MGST1: variants seen among roughly 807,000 people sequenced by gnomAD.
MGST1 encodes microsomal glutathione S-transferase 1.
A neutral mutation model predicts 8.9 loss-of-function variants in MGST1; 5 were observed. The observed-to-expected ratio is 0.56, with a 90% CI of 0.29 to 1.19. The LOEUF is 1.19. Among genes scored for constraint, MGST1 ranks in the 50% most tolerant of loss-of-function variants. MGST1 has a pLI of 0.08. For missense variants in MGST1, 182 were observed against 187.4 expected (o/e 0.97, Z 0.17); for synonymous variants, 54 against 67.8 (o/e 0.80, Z 1.00).
intron 4 of MGST1, among the ~76,000 whole-genome samples, chr12:16,477,853 T>C (rs562372724): frequency 1.3e-4 from 20 of 152,326 alleles, no homozygotes; most frequent in African/African-American, 4.6e-4. Context: ...TTTTAACAGG[T>C]AAATGTCTCA....
intron 4 of MGST1, among the ~76,000 whole-genome samples, chr12:16,529,505 T>C (rs1941709480): frequency 1.3e-5 from 2 of 152,050 alleles, no homozygotes; most frequent in Admixed American, 1.3e-4. Context: ...AACAATTTCA[T>C]TGTCGTTTTA....
Position 16,470,641 on chromosome 12 carries a change from C to T in MGST1, n.482+87037C>T, listed in dbSNP as rs188692514. On this transcript the variant is annotated intron_variant and non_coding_transcript_variant, in intron 4 of 4. Transcript: ENST00000538857. ...AGATATGATGAAGAATTTCTAAGTA[C>T]CTAATCTATTGCCCAATTTTGAAGA... 3.6e-3 allele frequency among the ~76,000 whole-genome samples: 542 copies of T among 152,210 alleles called. 1 individual carries two copies. The highest frequency in any genetic ancestry group is 6.7e-3 in the Non-Finnish European group (455 of 68,012).
At chr12:16,426,240 A>G (rs1447883459) in intron 1 of MGST1, among the ~76,000 whole-genome samples, 1 of 152,152 alleles carries the variant, frequency 6.6e-6, no homozygotes, top group Non-Finnish European at 1.5e-5. Flanking sequence ...TACCTTGGCT[A>G]TATTAGATCT....
chr12:16,499,642 A>AG (rs202041135), intron 4 of MGST1, among the ~76,000 whole-genome samples: 1,646 of 144,560 alleles, frequency 0.011, 26 homozygotes, highest in African/African-American at 0.039. Context: ...AACCCAGAAG[A>AG]GTTTTTTTTT....
chr12:16,522,669 T>A (rs1941655897), intron 4 of MGST1, among the ~76,000 whole-genome samples: 1 of 152,054 alleles, frequency 6.6e-6, no homozygotes, highest in Admixed American at 6.6e-5. Flanking sequence ...TAACACAGGG[T>A]GAGAAGATTA....
chr12:16,551,372 T>C, intron 4 of MGST1: 3 of 1,123,642 alleles, frequency 2.7e-6, no homozygotes, highest in Middle Eastern at 3.9e-4. Flanking sequence ...ACCATTTCAC[T>C]TGGATCTAGA....
At chr12:16,578,618 G>A (rs1241476156) in intron 4 of MGST1, among the ~76,000 whole-genome samples, 1 of 152,132 alleles carries the variant, frequency 6.6e-6, no homozygotes, top group Non-Finnish European at 1.5e-5. Flanking sequence ...AGGAGTTCGA[G>A]ACCAGCTTGG....
chr12:16,430,582 A>C (rs1245480802), intron 1 of MGST1, among the ~76,000 whole-genome samples: 1 of 150,690 alleles, frequency 6.6e-6, no homozygotes, highest in East Asian at 2.0e-4. Flanking sequence ...GATCAGGTGC[A>C]TTGTCAATGA....
intron 4 of MGST1, among the ~76,000 whole-genome samples, chr12:16,581,523 C>T (rs892820022): frequency 4.6e-5 from 7 of 152,322 alleles, no homozygotes; most frequent in Admixed American, 3.3e-4. Flanking sequence ...GCTGGAGCCT[C>T]AGTTCCTATA....
At chr12:16,506,374 G>T (rs1941538166) in intron 4 of MGST1, among the ~76,000 whole-genome samples, 1 of 152,134 alleles carries the variant, frequency 6.6e-6, no homozygotes, top group Non-Finnish European at 1.5e-5. Context: ...ACTCTGGAAG[G>T]AGGCACTATT....
intron 1 of MGST1, among the ~76,000 whole-genome samples, chr12:16,393,459 A>G (rs1458797939): frequency 2.0e-5 from 3 of 152,252 alleles, no homozygotes; most frequent in African/African-American, 7.2e-5. Flanking sequence ...ACACAACAGC[A>G]GTGAGTCTGG....
At chr12:16,393,414 T>C (rs1263847219) in intron 1 of MGST1, among the ~76,000 whole-genome samples, 1 of 152,206 alleles carries the variant, frequency 6.6e-6, no homozygotes, top group East Asian at 1.9e-4. Context: ...TCAGAGCCTT[T>C]CAGGGCAGGC....
At chr12:16,448,916 T>G (rs1232648491) in intron 4 of MGST1, among the ~76,000 whole-genome samples, 2 of 152,026 alleles carry the variant, frequency 1.3e-5, no homozygotes, top group East Asian at 3.9e-4. Context: ...CTTTAAGAGA[T>G]ATCATTTATA....
chr12:16,506,941 C>CA (rs1169901922), intron 4 of MGST1, among the ~76,000 whole-genome samples: 1 of 152,088 alleles, frequency 6.6e-6, no homozygotes, highest in East Asian at 1.9e-4. Flanking sequence ...ACAATAAGAA[C>CA]AAAAAATCAT....
In MGST1 at chr12:16,513,915, T is replaced by G; in HGVS notation, n.483-75613T>G. 1 of 581,530 alleles carries G rather than the reference T, an allele frequency of 1.7e-6. No homozygotes were observed. The highest frequency in any genetic ancestry group is 1.9e-5 in the African/African-American group (1 of 53,164). 36.0% of individuals were successfully genotyped at this position (581,530 alleles called of 1,614,324 possible). On this transcript the variant is annotated intron_variant and non_coding_transcript_variant, in intron 4 of 4. Coordinates refer to the MGST1 transcript ENST00000538857. This position sits in a 1 kb window ranked among gnomAD's most constrained non-coding sequence, Gnocchi z 4.2. Reference sequence around the variant, plus strand: ...GGGATACTGGCATGCAGCTACAAGGTTATCGATACTATGACCGCAAGACTT... The same window carrying G: ...GGGATACTGGCATGCAGCTACAAGGGTATCGATACTATGACCGCAAGACTT...
At chr12:16,574,320 C>T (rs1186721075) in intron 4 of MGST1, among the ~76,000 whole-genome samples, 1 of 152,128 alleles carries the variant, frequency 6.6e-6, no homozygotes, top group African/African-American at 2.4e-5. Flanking sequence ...TCAACGAAAA[C>T]GCCTGTCTCT....
rs1015623470 is a variant in MGST1 at position 16,477,727 on chromosome 12, T to C, written n.482+94123T>C. Among the ~76,000 whole-genome samples the C allele has an allele frequency of 2.9e-4, 44 of 152,186 alleles. 1 individual carries two copies. Among genetic ancestry groups the C allele is most frequent in the African/African-American group, 1.0e-3 (42 of 41,456 alleles). On this transcript the variant is annotated intron_variant and non_coding_transcript_variant, in intron 4 of 4. Transcript: ENST00000538857. ...TTTACTTGATTCCTTATTTTAAGTC[T>C]TGAGATTTCAGCTCCTTCTACAGTA...
intron 4 of MGST1, among the ~76,000 whole-genome samples, chr12:16,562,200 T>C (rs1942431483): frequency 6.6e-6 from 1 of 152,196 alleles, no homozygotes; most frequent in East Asian, 1.9e-4. Context: ...TTTTAGTTCA[T>C]TCTAACATTT....
intron 4 of MGST1, among the ~76,000 whole-genome samples, chr12:16,566,279 G>T (rs945607774): frequency 6.6e-6 from 1 of 151,424 alleles, no homozygotes; most frequent in Non-Finnish European, 1.5e-5. Flanking sequence ...GGGAGAGATT[G>T]GTCAATGGGG....
Sources: gnomAD v4.1 joint callset for allele counts (sites outside exome capture counted in the v4.1 genomes callset) on GRCh38, gnomAD v4.1.1 for gene constraint, Gnocchi (gnomAD v3.1) non-coding constraint, MANE v1.5 for transcripts, NCBI Gene and HGNC (gene_info 2026-07-23, HGNC 2026-07-21) for gene names.